ZRANB3: variants seen among roughly 807,000 people sequenced by gnomAD.
The protein encoded by ZRANB3 is zinc finger RANBP2-type containing 3.
Under a neutral mutation model 133.8 loss-of-function variants are expected in ZRANB3, and 125 were observed. The ratio of observed to expected loss-of-function variants is 0.93; its 90% CI spans 0.81 to 1.08. The LOEUF (loss-of-function observed/expected upper bound fraction) is 1.08, where lower values mean the gene tolerates loss of function less well. Among genes scored for constraint, ZRANB3 ranks in the 50% least tolerant of loss-of-function variants. The pLI is 0.00. For synonymous variants in ZRANB3, 387 were observed against 432.7 expected (o/e 0.89, Z 1.31); for missense variants, 1,229 against 1,275.5 (o/e 0.96, Z 0.56).
At chr2:135,266,767 A>T (rs1306710921) in intron 11 of ZRANB3, among the ~76,000 whole-genome samples, 1 of 141,260 alleles carries the variant, frequency 7.1e-6, no homozygotes, top group Non-Finnish European at 1.6e-5. Flanking sequence ...TCCATCTCTT[A>T]AAAAAAAAAA....
intron 2 of ZRANB3, among the ~76,000 whole-genome samples, chr2:135,483,907 T>G (rs566652797): frequency 6.6e-6 from 1 of 152,318 alleles, no homozygotes; most frequent in South Asian, 2.1e-4. Context: ...TCAGTTTCCA[T>G]GTAGTTGAGC....
chr2:135,227,747 T>TA (rs1694809159), intron 14 of ZRANB3, 65 bp downstream of exon 14: 1 of 1,467,800 alleles, frequency 6.8e-7, no homozygotes, highest in Non-Finnish European at 9.3e-7. Context: ...ACTAATCTAA[T>TA]AACAGTATTA....
chr2:135,324,325 T>C (rs1214914257), intron 6 of ZRANB3, among the ~76,000 whole-genome samples: 3 of 150,656 alleles, frequency 2.0e-5, no homozygotes, highest in Non-Finnish European at 4.4e-5. Flanking sequence ...AGTGAGAATA[T>C]GCGATGTTTG....
intron 2 of ZRANB3, among the ~76,000 whole-genome samples, chr2:135,441,375 G>A (rs1303069252): frequency 1.3e-5 from 2 of 152,032 alleles, no homozygotes; most frequent in African/African-American, 2.4e-5. Context: ...CCCACATCCA[G>A]CAAAACTGCC....
chr2:135,362,669 T>C (rs1453354058), intron 3 of ZRANB3, among the ~76,000 whole-genome samples: 1 of 152,140 alleles, frequency 6.6e-6, no homozygotes, highest in African/African-American at 2.4e-5. Context: ...TTATTTTTTT[T>C]CCTAGACATG....
intron 5 of ZRANB3, among the ~76,000 whole-genome samples, chr2:135,348,174 G>T (rs1285307794): frequency 6.6e-6 from 1 of 151,778 alleles, no homozygotes; most frequent in African/African-American, 2.4e-5. Flanking sequence ...CAGAAGAATT[G>T]CTTGAACCTG....
intron 9 of ZRANB3, among the ~76,000 whole-genome samples, chr2:135,273,483 T>C (rs986002624): frequency 1.3e-5 from 2 of 152,046 alleles, no homozygotes; most frequent in African/African-American, 4.8e-5. Context: ...AGAAAATACA[T>C]TGTCAGGGTA....
At chr2:135,441,494 A>C (rs1313570656) in intron 2 of ZRANB3, among the ~76,000 whole-genome samples, 1 of 152,094 alleles carries the variant, frequency 6.6e-6, no homozygotes, top group East Asian at 1.9e-4. Flanking sequence ...TCACAACGGT[A>C]AATATTTAAG....
chr2:135,472,247 T>C (rs1386451697), intron 2 of ZRANB3, among the ~76,000 whole-genome samples: 2 of 152,164 alleles, frequency 1.3e-5, no homozygotes, highest in Non-Finnish European at 2.9e-5. Context: ...ATGCCTATAA[T>C]CCCAGCACTT....
chr2:135,415,914 A>T (rs1212083030), intron 2 of ZRANB3, among the ~76,000 whole-genome samples: 1 of 152,112 alleles, frequency 6.6e-6, no homozygotes, highest in African/African-American at 2.4e-5. Context: ...ACAACCCTTC[A>T]TGCTAAAAAC....
intron 2 of ZRANB3, among the ~76,000 whole-genome samples, chr2:135,391,527 T>C (rs887426946): frequency 6.6e-6 from 1 of 152,158 alleles, no homozygotes; most frequent in African/African-American, 2.4e-5. Flanking sequence ...TAGCATAAGT[T>C]AAATACATAA....
chr2:135,327,613 AG>A (rs1055862838), intron 6 of ZRANB3, among the ~76,000 whole-genome samples: 4 of 152,212 alleles, frequency 2.6e-5, no homozygotes, highest in African/African-American at 9.6e-5. Flanking sequence ...GAAGGAGAAC[AG>A]AAGAAAACGG....
chr2:135,397,113 G>C (rs1314704270), intron 2 of ZRANB3, among the ~76,000 whole-genome samples: 1 of 151,732 alleles, frequency 6.6e-6, no homozygotes, highest in African/African-American at 2.4e-5. Flanking sequence ...CTGGGCAACA[G>C]AGTGAGACTG....
At chr2:135,202,735 G>C (rs1693675260) in intron 20 of ZRANB3, 97 bp downstream of exon 20, 2 of 1,406,602 alleles carry the variant, frequency 1.4e-6, no homozygotes, top group Admixed American at 4.5e-5. Context: ...TCTCAGACCA[G>C]AGATAAATTC....
intron 1 of ZRANB3, among the ~76,000 whole-genome samples, chr2:135,512,327 T>C (rs1280518793): frequency 6.6e-6 from 1 of 152,190 alleles, no homozygotes. Flanking sequence ...ATAGTAGAAC[T>C]GTACTGAGGA....
intron 6 of ZRANB3, among the ~76,000 whole-genome samples, chr2:135,333,223 T>C (rs1291861205): frequency 6.6e-6 from 1 of 152,172 alleles, no homozygotes; most frequent in Non-Finnish European, 1.5e-5. Flanking sequence ...ATGATTGTCC[T>C]TCCCATTCCA....
At chr2:135,314,934 G>C (rs1294976779) in intron 7 of ZRANB3, among the ~76,000 whole-genome samples, 1 of 151,866 alleles carries the variant, frequency 6.6e-6, no homozygotes, top group Non-Finnish European at 1.5e-5. Context: ...ATTTTTAGTA[G>C]AGACGAGTTT....
intron 15 of ZRANB3, among the ~76,000 whole-genome samples, chr2:135,219,606 G>T (rs1388885934): frequency 6.6e-6 from 1 of 152,182 alleles, no homozygotes; most frequent in Admixed American, 6.5e-5. Flanking sequence ...TATACTCACT[G>T]ACAATACAAG....
intron 9 of ZRANB3, among the ~76,000 whole-genome samples, chr2:135,272,413 G>GTTTTTTTTTTTTTTTTTTTTTTTTT (rs1558877433): frequency 3.6e-5 from 4 of 109,906 alleles, no homozygotes; most frequent in South Asian, 3.4e-4. Flanking sequence ...GGAAAATAGA[G>GTTTTTTTTTTTTTTTTTTTTTTTTT]CTTTTTTTTT....
Sources: allele counts gnomAD v4.1 joint callset (sites outside exome capture counted in the v4.1 genomes callset), GRCh38; gene constraint gnomAD v4.1.1; transcripts MANE v1.5; gene names NCBI Gene and HGNC (gene_info 2026-07-23, HGNC 2026-07-21).